NPAS2: variants seen among roughly 807,000 people sequenced by gnomAD.
NPAS2 encodes the protein neuronal PAS domain protein 2.
NPAS2 carries 23 observed loss-of-function variants against 107.5 expected under a neutral mutation model. The ratio of observed to expected loss-of-function variants is 0.21; its 90% CI spans 0.15 to 0.30. NPAS2 has a LOEUF of 0.30. Ranked by LOEUF, NPAS2 falls within the 10% of genes least tolerant of loss-of-function variation. The pLI is 1.00. For missense variants in NPAS2, 756 were observed against 1,043.3 expected, an observed-to-expected ratio of 0.72 and a Z score of 3.79; for synonymous variants, 403 against 417.5, an observed-to-expected ratio of 0.97 and a Z score of 0.42.
chr2:100,950,885 AAATG>A (rs1419794929), intron 7 of NPAS2, among the ~76,000 whole-genome samples: 1 of 152,198 alleles, frequency 6.6e-6, no homozygotes, highest in Non-Finnish European at 1.5e-5. Flanking sequence ...AAACTTCATG[AAATG>A]AATGTTTAAT....
At chr2:100,834,700 CT>C (rs948985565) in intron 1 of NPAS2, among the ~76,000 whole-genome samples, 1 of 149,430 alleles carries the variant, frequency 6.7e-6, no homozygotes, top group Non-Finnish European at 1.5e-5. Flanking sequence ...CTTTTCTTTT[CT>C]TTTTTTTTGA....
At chr2:100,986,857 T>A (rs1677809492) in intron 16 of NPAS2, 1 of 152,244 alleles carries the variant, frequency 6.6e-6, no homozygotes. Context: ...TCTGAATCTT[T>A]CAAGCATTTT....
intron 5 of NPAS2, among the ~76,000 whole-genome samples, chr2:100,942,981 TC>T (rs1181109733): frequency 6.6e-6 from 1 of 152,190 alleles, no homozygotes; most frequent in Non-Finnish European, 1.5e-5. Flanking sequence ...CCTGCATTCA[TC>T]CCAGTTAGGG....
intron 1 of NPAS2, among the ~76,000 whole-genome samples, chr2:100,839,743 G>GT (rs1480558949): frequency 2.0e-5 from 3 of 151,982 alleles, no homozygotes; most frequent in African/African-American, 7.2e-5. Flanking sequence ...GATTATTTTT[G>GT]TAATCCTTCG....
Position 100,967,526 on chromosome 2 carries a change from A to G in NPAS2, c.908-755A>G, listed in dbSNP as rs146729442. On this transcript the variant is annotated intron_variant, in intron 10 of 20. Coordinates refer to ENST00000335681, the MANE Select transcript of NPAS2 (RefSeq NM_002518.4). The stretch of plus-strand genomic sequence containing the variant: ...CAGGCATGAGCCCCTGTGCCCAGCC[A>G]TCAGTGTCCTTTTGTAGCGTTAGTT... Among the ~76,000 whole-genome samples the G allele has an allele frequency of 4.1e-3, 627 of 152,242 alleles. 7 individuals carry two copies. Among genetic ancestry groups the G allele is most frequent in the African/African-American group, 0.015 (612 of 41,556 alleles).
chr2:100,836,276 G>A (rs969433072), intron 1 of NPAS2, among the ~76,000 whole-genome samples: 3 of 152,100 alleles, frequency 2.0e-5, no homozygotes, highest in Admixed American at 1.3e-4. Context: ...ACTTCGATGT[G>A]TACCACCCCC....
rs770787784 is a variant in NPAS2 at position 100,995,858 on chromosome 2, G to A, written c.*276G>A. The A allele has an allele frequency of 4.8e-4, 718 of 1,509,628 alleles. 5 individuals are homozygous for A. The highest frequency in any genetic ancestry group is 1.6e-3 in the African/African-American group (114 of 72,366). 93.5% of individuals were successfully genotyped at this position (1,509,628 alleles called of 1,614,324 possible). On this transcript the variant is annotated 3_prime_UTR_variant, in exon 21 of 21. Transcript: ENST00000335681. ...CCAGGTGCCCCGTGTAGGCATCGTC[G>A]GTCGGTTTGCCGTCAGAGATGGCGC...
At position 100,983,995 on chromosome 2, in the gene NPAS2, C is replaced by T. The variant is rs145351692; in HGVS notation, c.1629+1618C>T. The stretch of plus-strand genomic sequence containing the variant: ...CTGCCTTTTCTGAATTTTAAAATAA[C>T]AGGCAGCAAGGTTATCGCTTTCACT... On this transcript the variant is annotated intron_variant, in intron 16 of 20. Coordinates refer to ENST00000335681, the MANE Select transcript of NPAS2 (RefSeq NM_002518.4). 16 of 152,352 alleles carry T rather than the reference C, an allele frequency of 1.1e-4. No homozygotes were observed. In the East Asian group the frequency reaches 2.9e-3, roughly 28 times the overall value. 9.4% of individuals were successfully genotyped at this position (152,352 alleles called of 1,614,324 possible).
At position 100,873,307 on chromosome 2, in the gene NPAS2, T is replaced by TACACACACAC. The variant is rs368306404; in HGVS notation, c.-22-31400_-22-31391dup. On this transcript the variant is annotated intron_variant, in intron 1 of 20. Transcript: ENST00000335681. ...ATATATATATATATATATATATATA[T>TACACACACAC]ACACACACACACACACACACACACA... 5.9e-3 allele frequency among the ~76,000 whole-genome samples: 248 copies of TACACACACAC among 41,836 alleles called. 5 individuals are homozygous for TACACACACAC. The highest frequency in any genetic ancestry group is 0.031 in the East Asian group (41 of 1,332). 27.4% of individuals were successfully genotyped at this position (41,836 alleles called of 152,430 possible).
At chr2:100,918,405 G>T (rs1036997332) in intron 2 of NPAS2, among the ~76,000 whole-genome samples, 1 of 152,070 alleles carries the variant, frequency 6.6e-6, no homozygotes, top group South Asian at 2.1e-4. Context: ...GTTAAACCTG[G>T]ACCTCATCAA....
chr2:100,935,580 T>A (rs1238879914), intron 4 of NPAS2, among the ~76,000 whole-genome samples: 2 of 152,200 alleles, frequency 1.3e-5, no homozygotes, highest in Non-Finnish European at 2.9e-5. Flanking sequence ...TGATGAAAGT[T>A]ATCTCCCGTC....
intron 1 of NPAS2, among the ~76,000 whole-genome samples, chr2:100,887,927 A>G (rs145687207): frequency 1.3e-5 from 2 of 152,344 alleles, no homozygotes; most frequent in East Asian, 3.9e-4. Context: ...ACAGCAGGCT[A>G]AGCCTGTTTA....
chr2:100,875,741 C>T (rs1360713122), intron 1 of NPAS2, among the ~76,000 whole-genome samples: 1 of 152,218 alleles, frequency 6.6e-6, no homozygotes, highest in African/African-American at 2.4e-5. Flanking sequence ...TCCCGAGGCC[C>T]AGATTAAGCA....
At chr2:100,873,587 T>C (rs1026813780) in intron 1 of NPAS2, among the ~76,000 whole-genome samples, 3 of 152,056 alleles carry the variant, frequency 2.0e-5, no homozygotes, top group Admixed American at 1.3e-4. Flanking sequence ...GCTACATAGA[T>C]AGTCCTTTAA....
At chr2:100,865,847 G>A (rs969723249) in intron 1 of NPAS2, among the ~76,000 whole-genome samples, 4 of 152,126 alleles carry the variant, frequency 2.6e-5, no homozygotes, top group Admixed American at 2.0e-4. Flanking sequence ...CACACCTGAG[G>A]CAGTACTATA....
intron 2 of NPAS2, among the ~76,000 whole-genome samples, chr2:100,923,907 C>T (rs765068889): frequency 6.6e-6 from 1 of 152,070 alleles, no homozygotes; most frequent in East Asian, 1.9e-4. Context: ...GTTCCTTGTT[C>T]GTTGTTAATT....
At chr2:100,874,210 C>T (rs534967589) in intron 1 of NPAS2, among the ~76,000 whole-genome samples, 6 of 152,032 alleles carry the variant, frequency 3.9e-5, no homozygotes, top group African/African-American at 1.4e-4. Context: ...GTCTCAAACT[C>T]ATGACCTCAA....
At chr2:100,869,646 G>A (rs754194091) in intron 1 of NPAS2, among the ~76,000 whole-genome samples, 1 of 152,166 alleles carries the variant, frequency 6.6e-6, no homozygotes. Context: ...CCTTCCGTGT[G>A]GGCGGGTTTA....
At chr2:100,950,479 A>C (rs1173652703) in intron 7 of NPAS2, among the ~76,000 whole-genome samples, 1 of 152,188 alleles carries the variant, frequency 6.6e-6, no homozygotes, top group African/African-American at 2.4e-5. Context: ...CTATTCCTTC[A>C]GTCAAATTTG....
Sources: allele counts gnomAD v4.1 joint callset (sites outside exome capture counted in the v4.1 genomes callset), GRCh38; gene constraint gnomAD v4.1.1; transcripts MANE v1.5; gene names NCBI Gene and HGNC (gene_info 2026-07-23, HGNC 2026-07-21).